Variants in TRMT2B observed in about 807,000 individuals in gnomAD.
The protein encoded by TRMT2B is tRNA methyltransferase 2B.
A neutral mutation model predicts 39.7 loss-of-function variants in TRMT2B; 34 were observed. That is an observed-to-expected ratio of 0.86 (90% CI 0.65 to 1.14). The LOEUF is 1.14. Among genes scored for constraint, TRMT2B ranks in the 50% most tolerant of loss-of-function variants. The pLI is 0.00. For synonymous variants in TRMT2B, 132 were observed against 137.3 expected (o/e 0.96, Z 0.27); for missense variants, 318 against 377.2 (o/e 0.84, Z 1.30).
intron 7 of TRMT2B, among the ~76,000 whole-genome samples, chrX:101,026,534 C>T (rs1229315131): frequency 9.2e-6 from 1 of 108,563 alleles, no homozygotes; most frequent in Non-Finnish European, 1.9e-5. Flanking sequence ...AAAAACTGAG[C>T]TTGACCTAAA....
At chrX:101,019,957 A>C (rs2086716256) in intron 11 of TRMT2B, among the ~76,000 whole-genome samples, 1 of 110,899 alleles carries the variant, frequency 9.0e-6, no homozygotes, top group African/African-American at 3.3e-5. Flanking sequence ...CTCACATAGC[A>C]TGCAAGGACC....
At position 101,009,923 on chromosome X, in the gene TRMT2B, C is replaced by G. The variant is rs2086183129; in HGVS notation, c.*658G>C. On this transcript the variant is annotated 3_prime_UTR_variant, in exon 14 of 14. Transcript: ENST00000372936. ...GCATCTCTGAGCAAATGCACAGGCT[C>G]CAGTCAATGTAAAATTATTACCAGC... 9.1e-6 allele frequency: 1 copy of G among 109,528 alleles called. No individual in the cohort carries two copies. The highest frequency in any genetic ancestry group is 1.0e-4 in the Admixed American group (1 of 9,859). The allele number at this position is 109,528 out of a possible 1,213,427, so 9.0% of individuals were successfully genotyped here.
chrX:100,986,340 T>A, the TRMT2B span, among the ~76,000 whole-genome samples: 2 of 111,706 alleles, frequency 1.8e-5, no homozygotes, highest in African/African-American at 6.5e-5. Context: ...GCTCAAAAGT[T>A]ACATAACTAG....
downstream of TRMT2B, among the ~76,000 whole-genome samples, chrX:101,008,228 T>A (rs1229157944): frequency 8.9e-6 from 1 of 111,876 alleles, no homozygotes; most frequent in Non-Finnish European, 1.9e-5. Context: ...AAGTGATTGA[T>A]ATAGATGGTA....
At chrX:101,033,813 G>A (rs1013791327) in intron 7 of TRMT2B, among the ~76,000 whole-genome samples, 2 of 110,108 alleles carry the variant, frequency 1.8e-5, no homozygotes, top group African/African-American at 3.3e-5. Flanking sequence ...CTATGAAAGC[G>A]GGGAAGACAC....
chrX:100,978,799 T>C, the TRMT2B span, among the ~76,000 whole-genome samples: 3 of 111,251 alleles, frequency 2.7e-5, no homozygotes, highest in Non-Finnish European at 5.7e-5. Context: ...GTGAAAGTGA[T>C]TTTCTCTGGT....
chrX:101,051,127 T>C (rs1211147232), intron 2 of TRMT2B, 124 bp downstream of exon 2: 4 of 239,403 alleles, frequency 1.7e-5, no homozygotes, highest in Non-Finnish European at 2.4e-5. Context: ...TCGACTGTTC[T>C]ATACCTGCCT....
chrX:101,027,427 A>G (rs1395897951), intron 7 of TRMT2B, among the ~76,000 whole-genome samples: 17 of 104,359 alleles, frequency 1.6e-4, no homozygotes, highest in Non-Finnish European at 7.8e-5. Context: ...TTTTTTTAGT[A>G]GAGACAGGGT....
the TRMT2B span, among the ~76,000 whole-genome samples, chrX:100,998,235 G>C: frequency 9.8e-6 from 1 of 101,935 alleles, no homozygotes; most frequent in African/African-American, 3.7e-5. Context: ...ACTCCAGCCT[G>C]GGTGACAGAG....
chrX:100,977,555 AT>A, the TRMT2B span, among the ~76,000 whole-genome samples: 1 of 108,882 alleles, frequency 9.2e-6, no homozygotes, highest in African/African-American at 3.4e-5. Flanking sequence ...TTATTTTTGT[AT>A]TTTTATTAGA....
intron 13 of TRMT2B, among the ~76,000 whole-genome samples, chrX:101,018,034 C>A (rs982771153): frequency 9.0e-6 from 1 of 111,592 alleles, no homozygotes; most frequent in Non-Finnish European, 1.9e-5. Flanking sequence ...AGCTCAAGAC[C>A]AGCCTGGGCA....
At chrX:101,030,975 T>TG (rs1295885806) in intron 7 of TRMT2B, among the ~76,000 whole-genome samples, 2 of 107,043 alleles carry the variant, frequency 1.9e-5, no homozygotes, top group African/African-American at 7.2e-5. Flanking sequence ...AAAGCCTCAC[T>TG]ATTTTTTTTT....
chrX:100,988,700 AG>A, the TRMT2B span: 1 of 351,590 alleles, frequency 2.8e-6, no homozygotes, highest in Non-Finnish European at 4.1e-6. Context: ...TCCTGTAGGA[AG>A]GGTGCTTGGG....
At chrX:101,015,089 T>C (rs1167650134) in intron 13 of TRMT2B, among the ~76,000 whole-genome samples, 1 of 112,066 alleles carries the variant, frequency 8.9e-6, no homozygotes, top group Non-Finnish European at 1.9e-5. Flanking sequence ...ATAGAGAACA[T>C]CTGCATTTTT....
intron 7 of TRMT2B, among the ~76,000 whole-genome samples, 163 bp from the exon 8 acceptor site, chrX:101,023,779 T>A (rs773221238): frequency 8.9e-6 from 1 of 112,133 alleles, no homozygotes; most frequent in South Asian, 3.7e-4. Context: ...AGACAGGGCC[T>A]TTAAAGAGGT....
chrX:101,032,805 C>G (rs1262051541), intron 7 of TRMT2B, among the ~76,000 whole-genome samples: 1 of 104,698 alleles, frequency 9.6e-6, no homozygotes, highest in Non-Finnish European at 1.9e-5. Context: ...GACTAGAGAC[C>G]AGCAAAAGAA....
At chrX:101,020,374 C>T in intron 11 of TRMT2B, 113 bp downstream of exon 11, 1 of 595,898 alleles carries the variant, frequency 1.7e-6, no homozygotes, top group Non-Finnish European at 2.7e-6. Flanking sequence ...AGAATTCCCT[C>T]CCTTCCTCCC....
At chrX:100,975,266 C>G in the TRMT2B span, among the ~76,000 whole-genome samples, 2 of 111,616 alleles carry the variant, frequency 1.8e-5, no homozygotes, top group African/African-American at 6.5e-5. Flanking sequence ...TTTTCTAGTT[C>G]TGTACATGCT....
chrX:101,030,694 C>T (rs1195301848), intron 7 of TRMT2B, among the ~76,000 whole-genome samples: 4 of 109,827 alleles, frequency 3.6e-5, no homozygotes, highest in African/African-American at 1.3e-4. Flanking sequence ...GATCCGCCCG[C>T]CTTGGGCTCC....
Sources: allele counts gnomAD v4.1 joint callset (sites outside exome capture counted in the v4.1 genomes callset), GRCh38; gene constraint gnomAD v4.1.1; transcripts MANE v1.5; gene names NCBI Gene and HGNC (gene_info 2026-07-23, HGNC 2026-07-21).